Variants in TBC1D4 observed in about 807,000 individuals in gnomAD.
The protein encoded by TBC1D4 is TBC (Tre-2, BUB2, CDC16) domain-containing protein.
A neutral mutation model predicts 142.5 loss-of-function variants in TBC1D4; 121 were observed. The ratio of observed to expected loss-of-function variants is 0.85; its 90% confidence interval spans 0.73 to 0.99. The LOEUF (loss-of-function observed/expected upper bound fraction) is 0.99, where lower values mean the gene tolerates loss of function less well. TBC1D4 is among the 50% of genes least tolerant of loss of function. TBC1D4 has a pLI of 0.00. For missense variants in TBC1D4, 1,475 were observed against 1,606.6 expected (o/e 0.92, Z 1.40); for synonymous variants, 630 against 628.2 (o/e 1.00, Z -0.04).
At chr13:75,360,881 GA>G (rs1404132997) in intron 2 of TBC1D4, among the ~76,000 whole-genome samples, 1 of 152,082 alleles carries the variant, frequency 6.6e-6, no homozygotes, top group South Asian at 2.1e-4. Context: ...AAAGCCTCAT[GA>G]ACTTCCGATA....
intron 16 of TBC1D4, among the ~76,000 whole-genome samples, chr13:75,300,257 A>G (rs1204593700): frequency 6.6e-6 from 1 of 152,200 alleles, no homozygotes; most frequent in East Asian, 1.9e-4. Flanking sequence ...CCTCTAAAAT[A>G]TACCTCTAGG....
At chr13:75,369,585 C>T (rs2138204542) in intron 1 of TBC1D4, among the ~76,000 whole-genome samples, 1 of 152,200 alleles carries the variant, frequency 6.6e-6, no homozygotes, top group Non-Finnish European at 1.5e-5. Flanking sequence ...GAAAGGTACA[C>T]ATCATGCTGT....
At chr13:75,415,286 C>G (rs1885869702) in intron 1 of TBC1D4, among the ~76,000 whole-genome samples, 1 of 152,198 alleles carries the variant, frequency 6.6e-6, no homozygotes. Flanking sequence ...CAGTTGTAGA[C>G]ATTCACCAGT....
chr13:75,290,443 T>C (rs529656807), intron 19 of TBC1D4, among the ~76,000 whole-genome samples: 9 of 152,222 alleles, frequency 5.9e-5, no homozygotes, highest in Admixed American at 1.3e-4. Flanking sequence ...TTAATCCCAA[T>C]AGTAATCTAT....
intron 16 of TBC1D4, among the ~76,000 whole-genome samples, chr13:75,300,464 A>C (rs1876417688): frequency 6.6e-6 from 1 of 152,238 alleles, no homozygotes; most frequent in African/African-American, 2.4e-5. Context: ...TAGAACTTGC[A>C]AGAGTGCCAG....
chr13:75,366,492 G>C (rs2138191081), intron 1 of TBC1D4, among the ~76,000 whole-genome samples: 1 of 152,292 alleles, frequency 6.6e-6, no homozygotes, highest in Middle Eastern at 3.4e-3. Flanking sequence ...TAGTGTGCAA[G>C]TTGTTAAAAT....
At chr13:75,458,313 G>A (rs1051885535) in intron 1 of TBC1D4, among the ~76,000 whole-genome samples, 1 of 152,116 alleles carries the variant, frequency 6.6e-6, no homozygotes, top group African/African-American at 2.4e-5. Flanking sequence ...AACTCTCAAC[G>A]TTCAGATGCT....
intron 11 of TBC1D4, among the ~76,000 whole-genome samples, chr13:75,321,014 C>T (rs1276259941): frequency 3.4e-5 from 5 of 149,186 alleles, no homozygotes; most frequent in South Asian, 2.1e-4. Flanking sequence ...CACTCCAGCC[C>T]GGGCGACACA....
At chr13:75,348,092 A>G (rs1488725808) in intron 5 of TBC1D4, among the ~76,000 whole-genome samples, 1 of 152,146 alleles carries the variant, frequency 6.6e-6, no homozygotes, top group Admixed American at 6.5e-5. Context: ...AGTGAGTCAT[A>G]ATCACATCAC....
intron 1 of TBC1D4, among the ~76,000 whole-genome samples, chr13:75,443,817 A>C (rs1466318375): frequency 3.3e-5 from 5 of 152,200 alleles, no homozygotes; most frequent in African/African-American, 4.8e-5. Context: ...TGAATGTTTA[A>C]CATGGTCTTC....
chr13:75,314,075 A>G (rs1471885256), intron 12 of TBC1D4, among the ~76,000 whole-genome samples: 2 of 152,212 alleles, frequency 1.3e-5, no homozygotes, highest in Non-Finnish European at 2.9e-5. Flanking sequence ...GACCACTTTG[A>G]GTTATGCTAG....
At chr13:75,376,628 C>T (rs930258882) in intron 1 of TBC1D4, among the ~76,000 whole-genome samples, 1 of 152,134 alleles carries the variant, frequency 6.6e-6, no homozygotes, top group Non-Finnish European at 1.5e-5. Flanking sequence ...GGTGATCTGC[C>T]GGCCTCAGCC....
chr13:75,302,476 A>G (rs1468496854), intron 15 of TBC1D4, 75 bp from the exon 16 acceptor site: 12 of 1,573,224 alleles, frequency 7.6e-6, no homozygotes, highest in East Asian at 4.5e-5. Flanking sequence ...GATTCACTAT[A>G]TAATTCTGGT....
At chr13:75,383,208 A>C (rs1282052978) in intron 1 of TBC1D4, among the ~76,000 whole-genome samples, 1 of 152,184 alleles carries the variant, frequency 6.6e-6, no homozygotes, top group Non-Finnish European at 1.5e-5. Flanking sequence ...TTGTAGTCCC[A>C]GCTACTCGGG....
chr13:75,305,052 T>C (rs1186837050), intron 15 of TBC1D4, among the ~76,000 whole-genome samples: 1 of 152,156 alleles, frequency 6.6e-6, no homozygotes, highest in Admixed American at 6.5e-5. Context: ...AATTGAATCA[T>C]GGGGGCAGTT....
At chr13:75,415,174 T>C (rs1015888267) in intron 1 of TBC1D4, among the ~76,000 whole-genome samples, 1 of 150,886 alleles carries the variant, frequency 6.6e-6, no homozygotes, top group Non-Finnish European at 1.5e-5. Flanking sequence ...AGGTCACTGA[T>C]TTATTACCAT....
chr13:75,379,912 T>C (rs1883727760), intron 1 of TBC1D4, among the ~76,000 whole-genome samples: 1 of 73,132 alleles, frequency 1.4e-5, no homozygotes, highest in Non-Finnish European at 2.8e-5. Context: ...TTTTTTTTTT[T>C]TTTTTTTTTT....
chr13:75,363,393 T>C (rs1286802985), intron 1 of TBC1D4, among the ~76,000 whole-genome samples: 1 of 152,184 alleles, frequency 6.6e-6, no homozygotes, highest in Non-Finnish European at 1.5e-5. Context: ...TGAAAATTGC[T>C]TAGGGCAAAC....
chr13:75,470,374 G>A (rs1888349629), intron 1 of TBC1D4, among the ~76,000 whole-genome samples: 1 of 152,114 alleles, frequency 6.6e-6, no homozygotes. Flanking sequence ...GTCAAAGTGT[G>A]GGCACCAGAC....
Sources: allele counts gnomAD v4.1 joint callset (sites outside exome capture counted in the v4.1 genomes callset), GRCh38; gene constraint gnomAD v4.1.1; transcripts MANE v1.5; gene names NCBI Gene and HGNC (gene_info 2026-07-23, HGNC 2026-07-21).